TBL1XR1: variants seen among roughly 807,000 people sequenced by gnomAD.
The protein encoded by TBL1XR1 is TBL1X/Y related 1.
TBL1XR1 carries 5 observed loss-of-function variants against 66.9 expected under a neutral mutation model. The ratio of observed to expected loss-of-function variants is 0.07; its 90% CI spans 0.04 to 0.16. The LOEUF is 0.16. Ranked by LOEUF, TBL1XR1 falls within the 10% of genes least tolerant of loss-of-function variation. TBL1XR1 has a pLI of 1.00. For missense variants in TBL1XR1, 238 were observed against 623.2 expected (o/e 0.38, Z 6.58); for synonymous variants, 210 against 206.0 (o/e 1.02, Z -0.17).
chr3:177,146,607 A>AAAAAAAAAAAAAAAAAT (rs1230752188), intron 1 of TBL1XR1, among the ~76,000 whole-genome samples: 1 of 149,338 alleles, frequency 6.7e-6, no homozygotes, highest in Non-Finnish European at 1.5e-5. Flanking sequence ...AAAAAAAAAA[A>AAAAAAAAAAAAAAAAAT]GTTGTATTCA....
chr3:177,177,648 C>A (rs1284604040), intron 1 of TBL1XR1, among the ~76,000 whole-genome samples: 1 of 152,106 alleles, frequency 6.6e-6, no homozygotes, highest in African/African-American at 2.4e-5. Context: ...CCTCTTCTGA[C>A]CCTCCCCTAA....
chr3:177,086,352 T>C (rs1247201460), intron 2 of TBL1XR1, among the ~76,000 whole-genome samples: 1 of 152,010 alleles, frequency 6.6e-6, no homozygotes, highest in Non-Finnish European at 1.5e-5. Context: ...TATGTCCAAG[T>C]GTTCAACAGC....
At chr3:177,178,231 G>A (rs1051810950) in intron 1 of TBL1XR1, among the ~76,000 whole-genome samples, 3 of 152,158 alleles carry the variant, frequency 2.0e-5, no homozygotes, top group Non-Finnish European at 4.4e-5. Context: ...GACCCTCATA[G>A]GCTAAGATGT....
At chr3:177,183,190 T>C (rs1247812712) in intron 1 of TBL1XR1, among the ~76,000 whole-genome samples, 5 of 152,158 alleles carry the variant, frequency 3.3e-5, no homozygotes, top group Admixed American at 6.6e-5. Context: ...TCCATAAAAG[T>C]AGAAAAGTAC....
At position 177,140,072 on chromosome 3, in the gene TBL1XR1, G is replaced by A. The variant is rs372148307; in HGVS notation, c.-121-41531C>T. On this transcript the variant is annotated intron_variant, in intron 1 of 15. Coordinates refer to ENST00000457928, the MANE Select transcript of TBL1XR1 (RefSeq NM_024665.7). ...AATCCCAGCACTTTGGGAGGCCAAG[G>A]TGGACAGATCACCAGGTCAGGAGTT... Among the ~76,000 whole-genome samples the A allele has an allele frequency of 2.6e-5, 4 of 152,178 alleles. No homozygotes were observed. The South Asian group carries it at 6.2e-4, about 24-fold the overall frequency.
intron 1 of TBL1XR1, among the ~76,000 whole-genome samples, chr3:177,112,397 G>A (rs926989910): frequency 2.0e-5 from 3 of 151,616 alleles, no homozygotes; most frequent in Non-Finnish European, 1.5e-5. Context: ...CACGAGCCAC[G>A]GCCCCCGGCC....
chr3:177,154,784 GAAGA>G (rs1731300336), intron 1 of TBL1XR1, among the ~76,000 whole-genome samples: 1 of 152,052 alleles, frequency 6.6e-6, no homozygotes, highest in South Asian at 2.1e-4. Flanking sequence ...TAATAACACA[GAAGA>G]TCTAAACACT....
chr3:177,058,638 T>C (rs1718113791), intron 3 of TBL1XR1, among the ~76,000 whole-genome samples: 1 of 152,238 alleles, frequency 6.6e-6, no homozygotes, highest in African/African-American at 2.4e-5. Flanking sequence ...TAGGATGGAT[T>C]CCCTCAAAAG....
chr3:177,158,127 G>C (rs1560241048), intron 1 of TBL1XR1, among the ~76,000 whole-genome samples: 1 of 149,382 alleles, frequency 6.7e-6, no homozygotes, highest in Non-Finnish European at 1.5e-5. Context: ...GAACTGGATA[G>C]TTTTTATAAC....
intron 2 of TBL1XR1, among the ~76,000 whole-genome samples, chr3:177,092,734 A>G (rs2108647985): frequency 6.6e-6 from 1 of 151,936 alleles, no homozygotes; most frequent in Non-Finnish European, 1.5e-5. Context: ...AAAAAAACCT[A>G]GAATTACCAT....
At chr3:177,095,563 T>A (rs576742279) in intron 2 of TBL1XR1, among the ~76,000 whole-genome samples, 2 of 151,580 alleles carry the variant, frequency 1.3e-5, no homozygotes, top group African/African-American at 4.8e-5. Flanking sequence ...TACTGCAACC[T>A]CTGCCTCCCA....
chr3:177,164,273 C>A (rs1259714363), intron 1 of TBL1XR1, among the ~76,000 whole-genome samples: 3 of 152,144 alleles, frequency 2.0e-5, no homozygotes, highest in Non-Finnish European at 4.4e-5. Context: ...AGTATTCCCT[C>A]CTGCAAAGAC....
chr3:177,189,649 C>CAAAAAA (rs761647251), intron 1 of TBL1XR1, among the ~76,000 whole-genome samples: 32 of 45,210 alleles, frequency 7.1e-4, no homozygotes, highest in African/African-American at 2.5e-3. Context: ...GACTCCATCT[C>CAAAAAA]AAAAAAAAAA....
At chr3:177,190,094 T>C (rs6786525) in intron 1 of TBL1XR1, among the ~76,000 whole-genome samples, 2,242 of 130,536 alleles carry the variant, frequency 0.017, 51 homozygotes, top group African/African-American at 0.063. Flanking sequence ...GCATGTGCCA[T>C]TGCACTCCAG....
intron 1 of TBL1XR1, among the ~76,000 whole-genome samples, chr3:177,131,906 TAAAA>T (rs71626253): frequency 1.6e-4 from 23 of 144,984 alleles, no homozygotes; most frequent in Admixed American, 2.0e-4. Context: ...AGTGGAAGTT[TAAAA>T]AAAAAAAAAA....
At chr3:177,047,578 T>C (rs375626857) in intron 7 of TBL1XR1, 29 bp from the exon 8 acceptor site, 94 of 1,592,308 alleles carry the variant, frequency 5.9e-5, no homozygotes, top group Non-Finnish European at 7.7e-5. Flanking sequence ...TCTTTAATTA[T>C]ATAATCTAGA....
chr3:177,110,147 A>G (rs971937578), intron 1 of TBL1XR1, among the ~76,000 whole-genome samples: 40 of 152,240 alleles, frequency 2.6e-4, no homozygotes, highest in African/African-American at 8.7e-4. Flanking sequence ...GATAAAAGCT[A>G]TGAAATGCTA....
intron 1 of TBL1XR1, among the ~76,000 whole-genome samples, chr3:177,105,009 G>A (rs1437733492): frequency 1.3e-5 from 2 of 152,186 alleles, no homozygotes; most frequent in Non-Finnish European, 2.9e-5. Flanking sequence ...TAAGTCAAGT[G>A]TATTACTTAG....
chr3:177,117,851 T>C (rs530870125), intron 1 of TBL1XR1, among the ~76,000 whole-genome samples: 7 of 152,262 alleles, frequency 4.6e-5, no homozygotes, highest in African/African-American at 1.7e-4. Flanking sequence ...AAGAGCAGAA[T>C]GGGTTCAATG....
Sources: gnomAD v4.1 joint callset for allele counts (sites outside exome capture counted in the v4.1 genomes callset) on GRCh38, gnomAD v4.1.1 for gene constraint, MANE v1.5 for transcripts, NCBI Gene and HGNC (gene_info 2026-07-23, HGNC 2026-07-21) for gene names.